The following TMEM245 variants were observed in gnomAD, a reference collection of about 807,000 sequenced individuals.
TMEM245 encodes the protein transmembrane protein 245, also known as protein CG-2.
In TMEM245, 69 loss-of-function variants were observed where a neutral mutation model predicts 101.2. That is an observed-to-expected ratio of 0.68 (90% CI 0.56 to 0.83). The LOEUF (loss-of-function observed/expected upper bound fraction) is 0.83, where lower values mean the gene tolerates loss of function less well. Ranked by LOEUF, TMEM245 falls within the 40% of genes least tolerant of loss-of-function variation. The pLI, the probability that TMEM245 is intolerant of heterozygous loss-of-function variation, is 0.00. For synonymous variants in TMEM245, 537 were observed against 449.8 expected (o/e 1.19, Z -2.45); for missense variants, 1,075 against 1,092.8 (o/e 0.98, Z 0.23).
In TMEM245 at chr9:109,108,630, A is replaced by G. The variant is rs913841984; in HGVS notation, c.580-60T>C. 8.0e-6 allele frequency: 10 copies of G among 1,249,070 alleles called. No individual in the cohort carries two copies. In the African/African-American group the frequency reaches 1.5e-4, roughly 19 times the overall value. The allele number at this position is 1,249,070 out of a possible 1,614,324, so 77.4% of individuals were successfully genotyped here. A position where few individuals can be genotyped will look rare whatever the true frequency, so the allele number is the denominator to read the frequency against. ...TACACGTGAAAATGAACATACAATTATACAAAATCTGTAAGTGTCTATACA... is the reference window on the plus strand; with the variant it reads ...TACACGTGAAAATGAACATACAATTGTACAAAATCTGTAAGTGTCTATACA... On this transcript the variant is annotated intron_variant, in intron 1 of 17. Coordinates refer to ENST00000374586, the MANE Select transcript of TMEM245 (RefSeq NM_032012.4).
intron 14 of TMEM245, 128 bp from the exon 15 acceptor site, chr9:109,038,245 A>G (rs138976622): frequency 2.1e-4 from 114 of 541,800 alleles, no homozygotes; most frequent in African/African-American, 1.7e-3. Context: ...TGAGAATGCT[A>G]TTTTCATTTT....
chr9:109,032,751 T>C (rs143011524), intron 17 of TMEM245, among the ~76,000 whole-genome samples: 11 of 151,914 alleles, frequency 7.2e-5, no homozygotes, highest in African/African-American at 2.7e-4. Flanking sequence ...AGAATTAGAT[T>C]TTTTAAATTT....
At chr9:109,104,731 C>G (rs1830365723) in intron 3 of TMEM245, among the ~76,000 whole-genome samples, 1 of 151,986 alleles carries the variant, frequency 6.6e-6, no homozygotes, top group Admixed American at 6.6e-5. Context: ...GAAATAAACC[C>G]ATATATATAT....
rs1830848374 is a variant in TMEM245, at chr9:109,119,620, C to G, written c.294G>C (p.Lys98Asn). Residue 98 changes from lysine (K) to asparagine (N), a missense_variant, in exon 1 of 18, where the codon AAG becomes AAC. Lys to Asn is a moderately conservative substitution (Grantham distance 94, BLOSUM62 0). Coordinates refer to ENST00000374586, the MANE Select transcript of TMEM245 (RefSeq NM_032012.4). ...GGCGGCCCAGGCGCGTCAGCGAGCT[C>G]TTGAAGGGGTGCAGAAAAGTGCCGC... is the stretch of plus-strand genomic sequence containing the variant. ...VLCGTFLHPFKSSLTRLGRHW... is the reference protein window; with the variant it reads ...VLCGTFLHPFNSSLTRLGRHW... The G allele has an allele frequency of 6.4e-7, 1 of 1,561,372 alleles. No individual in the cohort carries two copies. Among genetic ancestry groups the G allele is most frequent in the South Asian group, 1.2e-5 (1 of 85,020 alleles).
At chr9:109,052,923 A>G (rs1417055772) in intron 12 of TMEM245, among the ~76,000 whole-genome samples, 2 of 152,232 alleles carry the variant, frequency 1.3e-5, no homozygotes. Context: ...AACAACAAAA[A>G]AGTAACCTTT....
At chr9:109,100,172 T>C (rs559969855) in intron 3 of TMEM245, among the ~76,000 whole-genome samples, 1 of 152,194 alleles carries the variant, frequency 6.6e-6, no homozygotes, top group African/African-American at 2.4e-5. Context: ...ACAGGACCAA[T>C]ATGGAAAACT....
At chr9:109,059,200 A>G (rs926584609) in intron 11 of TMEM245, among the ~76,000 whole-genome samples, 2 of 152,184 alleles carry the variant, frequency 1.3e-5, no homozygotes, top group African/African-American at 4.8e-5. Flanking sequence ...ACTCACCTAG[A>G]TATTCCCTGA....
At chr9:109,106,638 A>G in intron 2 of TMEM245, 29 bp from the exon 3 acceptor site, 1 of 1,541,722 alleles carries the variant, frequency 6.5e-7, no homozygotes, top group Non-Finnish European at 8.9e-7. Context: ...TAACATTTTT[A>G]GTGAAATAAA....
intron 7 of TMEM245, among the ~76,000 whole-genome samples, chr9:109,084,251 G>T (rs1016913685): frequency 1.3e-5 from 2 of 151,972 alleles, no homozygotes; most frequent in African/African-American, 2.4e-5. Context: ...GCAATTTTCT[G>T]ACTTTGAGAT....
At chr9:109,118,429 C>A (rs1014133286) in intron 1 of TMEM245, among the ~76,000 whole-genome samples, 2 of 152,330 alleles carry the variant, frequency 1.3e-5, no homozygotes, top group South Asian at 4.1e-4. Context: ...TTCTTACGCA[C>A]TAAATCTCCA....
intron 9 of TMEM245, 168 bp downstream of exon 9, chr9:109,073,188 C>G (rs1257522104): frequency 8.4e-6 from 5 of 596,356 alleles, no homozygotes; most frequent in African/African-American, 3.7e-5. Context: ...TCCTCCCACC[C>G]TCTGTATTAC....
chr9:109,038,893 G>C (rs1440489518), intron 14 of TMEM245: 2 of 152,248 alleles, frequency 1.3e-5, no homozygotes, highest in African/African-American at 4.8e-5. Flanking sequence ...GGGGAAATAA[G>C]GAACTGTTCA....
intron 14 of TMEM245, 54 bp downstream of exon 14, chr9:109,050,229 A>G: frequency 6.2e-7 from 1 of 1,601,864 alleles, no homozygotes; most frequent in Admixed American, 1.7e-5. Context: ...AAACAGGCTT[A>G]TCATGGAAAA....
intron 7 of TMEM245, among the ~76,000 whole-genome samples, chr9:109,082,479 G>A (rs952316401): frequency 1.3e-5 from 2 of 152,234 alleles, no homozygotes; most frequent in Non-Finnish European, 2.9e-5. Flanking sequence ...CCTGGGGAAA[G>A]AGCTAGGTTT....
intron 4 of TMEM245, among the ~76,000 whole-genome samples, chr9:109,092,052 A>G (rs1482016517): frequency 6.6e-6 from 1 of 152,198 alleles, no homozygotes; most frequent in Non-Finnish European, 1.5e-5. Context: ...GAACTCCCAT[A>G]ATCCCAACCT....
At chr9:109,093,998 T>C (rs1003260840) in intron 3 of TMEM245, among the ~76,000 whole-genome samples, 4 of 152,336 alleles carry the variant, frequency 2.6e-5, no homozygotes, top group South Asian at 2.1e-4. Context: ...TACGAGATAA[T>C]CCACAATTGG....
At chr9:109,089,120 T>G (rs1296539495) in intron 5 of TMEM245, among the ~76,000 whole-genome samples, 3 of 150,686 alleles carry the variant, frequency 2.0e-5, no homozygotes, top group African/African-American at 7.3e-5. Context: ...TACAAAACAA[T>G]AGCCAGTGGA....
intron 9 of TMEM245, among the ~76,000 whole-genome samples, chr9:109,069,379 C>CT (rs1308176318): frequency 6.6e-6 from 1 of 152,170 alleles, no homozygotes; most frequent in African/African-American, 2.4e-5. Flanking sequence ...ATGAAAGGCT[C>CT]TATCCACTTG....
At chr9:109,069,912 G>A (rs72607168) in intron 9 of TMEM245, among the ~76,000 whole-genome samples, 1 of 151,984 alleles carries the variant, frequency 6.6e-6, no homozygotes, top group African/African-American at 2.4e-5. Flanking sequence ...TAAATGAACT[G>A]CTCTTGCAGC....
Sources: gnomAD v4.1 joint callset for allele counts (sites outside exome capture counted in the v4.1 genomes callset) on GRCh38, gnomAD v4.1.1 for gene constraint, MANE v1.5 for transcripts, NCBI Gene and HGNC (gene_info 2026-07-23, HGNC 2026-07-21) for gene names.